Variants in CARHSP1 observed in about 807,000 individuals in gnomAD.
The protein encoded by CARHSP1 is calcium regulated heat stable protein 1.
CARHSP1 carries 14 observed loss-of-function variants against 12.5 expected under a neutral mutation model. The observed-to-expected ratio is 1.12, with a 90% CI of 0.74 to 1.75. The LOEUF is 1.75. Ranked by LOEUF, CARHSP1 falls within the 40% of genes most tolerant of loss-of-function variation. The pLI, the probability that CARHSP1 is intolerant of heterozygous loss-of-function variation, is 0.00. For synonymous variants in CARHSP1, 161 were observed against 82.0 expected, an observed-to-expected ratio of 1.96 and a Z score of -5.20; for missense variants, 343 against 201.6, an observed-to-expected ratio of 1.70 and a Z score of -4.25.
At chr16:8,866,506 C>A (rs1008390689) in intron 1 of CARHSP1, 3 of 983,180 alleles carry the variant, frequency 3.1e-6, no homozygotes, top group Admixed American at 1.2e-4. Context: ...TGAGCCCCAG[C>A]CTGGGAGAAC....
rs1024757427 is a variant in CARHSP1, at chr16:8,853,729, C to G, written c.*1435G>C. The G allele has an allele frequency of 1.3e-5, 2 of 152,190 alleles. No homozygotes were observed. The highest frequency in any genetic ancestry group is 2.9e-5 in the Non-Finnish European group (2 of 68,042). 9.4% of individuals were successfully genotyped at this position (152,190 alleles called of 1,614,324 possible). Reference sequence around the variant, plus strand: ...AGCTATTTCTACTTTGAAATCATGACTAAAGCCAAACCACAACCACAGCAA... The same window carrying G: ...AGCTATTTCTACTTTGAAATCATGAGTAAAGCCAAACCACAACCACAGCAA... On this transcript the variant is annotated 3_prime_UTR_variant, in exon 4 of 4. Coordinates refer to ENST00000311052, the MANE Select transcript of CARHSP1 (RefSeq NM_014316.4).
intron 1 of CARHSP1, among the ~76,000 whole-genome samples, chr16:8,866,122 T>A (rs1183515922): frequency 6.6e-6 from 1 of 152,108 alleles, no homozygotes; most frequent in Non-Finnish European, 1.5e-5. Flanking sequence ...CCCAGCTAAT[T>A]TTTTTATTTT....
chr16:8,860,913 G>C (rs949420561), intron 1 of CARHSP1, among the ~76,000 whole-genome samples: 2 of 151,512 alleles, frequency 1.3e-5, no homozygotes, highest in East Asian at 2.0e-4. Context: ...AGCTGGGCGT[G>C]GTGGTGGGTG....
At position 8,858,261 on chromosome 16, in the gene CARHSP1, G is replaced by A. The variant is rs552831759; in HGVS notation, c.281+89C>T. The stretch of plus-strand genomic sequence containing the variant: ...CCAGCCATTCGTCCTCACACCCAGC[G>A]CCCATCAGAGTCACACACCATCCCC... On this transcript the variant is annotated intron_variant, in intron 3 of 3. Coordinates refer to ENST00000311052, the MANE Select transcript of CARHSP1 (RefSeq NM_014316.4). The A allele has an allele frequency of 1.2e-4, 180 of 1,464,186 alleles. No homozygotes were observed. In the African/African-American group the frequency reaches 1.7e-3, roughly 14 times the overall value. 90.7% of individuals were successfully genotyped at this position (1,464,186 alleles called of 1,614,324 possible).
chr16:8,860,120 G>C, intron 1 of CARHSP1: 1 of 985,070 alleles, frequency 1.0e-6, no homozygotes, highest in Non-Finnish European at 1.2e-6. Flanking sequence ...CGCAGTGTCC[G>C]CCTCCAGGGA....
chr16:8,858,633 G>A (rs1002768596), intron 2 of CARHSP1, 161 bp from the exon 3 acceptor site: 42 of 848,202 alleles, frequency 5.0e-5, no homozygotes, highest in Admixed American at 3.2e-4. Flanking sequence ...CCTGGGAGCC[G>A]CTCACAAAGA....
chr16:8,868,889 C>T (rs2061488146), intron 1 of CARHSP1, 77 bp downstream of exon 1: 1 of 152,042 alleles, frequency 6.6e-6, no homozygotes, highest in African/African-American at 2.4e-5. Context: ...CAGAGGAGGC[C>T]GAGGCCCCAC....
rs1596515425 is a variant in CARHSP1 at position 8,853,292 on chromosome 16, G to C, written c.*1872C>G. 6.6e-6 allele frequency: 1 copy of C among 152,014 alleles called. No homozygotes were observed. Among genetic ancestry groups the C allele is most frequent in the African/African-American group, 2.4e-5 (1 of 41,334 alleles). 9.4% of individuals were successfully genotyped at this position (152,014 alleles called of 1,614,324 possible). A position where few individuals can be genotyped will look rare whatever the true frequency, so the allele number is the denominator to read the frequency against. On this transcript the variant is annotated 3_prime_UTR_variant, in exon 4 of 4. Coordinates refer to ENST00000311052, the MANE Select transcript of CARHSP1 (RefSeq NM_014316.4). The stretch of plus-strand genomic sequence containing the variant: ...GGCTGTGGAAGTGTGGACTGTACCA[G>C]CAGATGGGCCCTTGGGAAGCCAACA...
intron 2 of CARHSP1, 52 bp from the exon 3 acceptor site, chr16:8,858,524 A>G (rs578200766): frequency 3.8e-6 from 6 of 1,598,074 alleles, no homozygotes; most frequent in Non-Finnish European, 5.1e-6. Flanking sequence ...CTGGGCACAC[A>G]AAGCTCATTC....
intron 1 of CARHSP1, among the ~76,000 whole-genome samples, chr16:8,864,412 C>A (rs1285198817): frequency 1.3e-5 from 2 of 152,206 alleles, no homozygotes; most frequent in East Asian, 3.9e-4. Context: ...CAGACCATGA[C>A]TACCACCACC....
At chr16:8,856,426 A>G (rs1235626602) in intron 3 of CARHSP1, among the ~76,000 whole-genome samples, 1 of 152,208 alleles carries the variant, frequency 6.6e-6, no homozygotes, top group African/African-American at 2.4e-5. Flanking sequence ...TACTTCCAGC[A>G]GCAGAACCAG....
chr16:8,862,672 G>C (rs2141119049), intron 1 of CARHSP1, among the ~76,000 whole-genome samples: 1 of 152,292 alleles, frequency 6.6e-6, no homozygotes, highest in Non-Finnish European at 1.5e-5. Flanking sequence ...TCCAGGTATA[G>C]GGAACAGCCT....
At chr16:8,868,466 G>C (rs897957243) in intron 1 of CARHSP1, 2 of 150,936 alleles carry the variant, frequency 1.3e-5, no homozygotes, top group African/African-American at 4.9e-5. Flanking sequence ...TCCCCCAGAT[G>C]CGGCTAATCG....
chr16:8,856,889 G>C (rs1217823811), intron 3 of CARHSP1, among the ~76,000 whole-genome samples: 1 of 152,120 alleles, frequency 6.6e-6, no homozygotes, highest in African/African-American at 2.4e-5. Context: ...TAGGATGTGT[G>C]CGCCCCACCC....
rs201685307 is a variant in CARHSP1 at position 8,858,493 on chromosome 16, T to G, written c.159-21A>C. The stretch of plus-strand genomic sequence containing the variant: ...CCGTCCTGACAGAGAGGGGGAAATG[T>G]CAGGGGCCCCATCAGCGCTCCTGGG... On this transcript the variant is annotated intron_variant, in intron 2 of 3. Transcript: ENST00000311052. The G allele has an allele frequency of 1.4e-5, 23 of 1,611,776 alleles. No individual in the cohort carries two copies. The East Asian group carries it at 4.7e-4, about 33-fold the overall frequency.
Position 8,854,017 on chromosome 16 carries a change from G to A in CARHSP1, c.*1147C>T, listed in dbSNP as rs2061019031. ...GGAATTGCCAGAACCCTGGAGGGCA[G>A]AGGTTGCAGTAAGCTGAGATCGGGC... On this transcript the variant is annotated 3_prime_UTR_variant, in exon 4 of 4. Coordinates refer to ENST00000311052, the MANE Select transcript of CARHSP1 (RefSeq NM_014316.4). 6.6e-6 allele frequency: 1 copy of A among 152,222 alleles called. No homozygotes were observed. Among genetic ancestry groups the A allele is most frequent in the Non-Finnish European group, 1.5e-5 (1 of 68,052 alleles). 9.4% of individuals were successfully genotyped at this position (152,222 alleles called of 1,614,324 possible).
intron 1 of CARHSP1, among the ~76,000 whole-genome samples, chr16:8,863,137 T>TTTTTTTTTTTTC (rs1555457603): frequency 7.9e-6 from 1 of 126,288 alleles, no homozygotes; most frequent in African/African-American, 3.1e-5. Flanking sequence ...TTTTTTTTTT[T>TTTTTTTTTTTTC]CAGATAGGAT....
intron 1 of CARHSP1, among the ~76,000 whole-genome samples, chr16:8,861,173 T>A (rs2061342487): frequency 4.2e-5 from 1 of 23,766 alleles, no homozygotes; most frequent in Non-Finnish European, 1.5e-4. Context: ...TTTTTTTTTT[T>A]TTTTTTTTTT....
intron 1 of CARHSP1, chr16:8,860,469 G>T (rs768094737): frequency 2.0e-5 from 20 of 985,346 alleles, no homozygotes; most frequent in Non-Finnish European, 2.4e-5. Context: ...TGAAGGTGTC[G>T]GCTCTAACGT....
Sources: allele counts gnomAD v4.1 joint callset (sites outside exome capture counted in the v4.1 genomes callset), GRCh38; gene constraint gnomAD v4.1.1; transcripts MANE v1.5; gene names NCBI Gene and HGNC (gene_info 2026-07-23, HGNC 2026-07-21).